Variants in TDRD12 observed in about 807,000 individuals in gnomAD.
TDRD12 encodes putative ATP-dependent RNA helicase TDRD12.
TDRD12 carries 158 observed loss-of-function variants against 133.5 expected under a neutral mutation model. The observed-to-expected ratio is 1.18, with a 90% CI of 1.04 to 1.35. TDRD12 has a LOEUF of 1.35. TDRD12 is among the 40% of genes most tolerant of loss of function. The pLI is 0.00. For missense variants in TDRD12, 1,443 were observed against 1,321.3 expected, an observed-to-expected ratio of 1.09 and a Z score of -1.43; for synonymous variants, 460 against 477.9, an observed-to-expected ratio of 0.96 and a Z score of 0.49.
chr19:32,756,456 C>T (rs1262222179), intron 7 of TDRD12, among the ~76,000 whole-genome samples: 6 of 151,306 alleles, frequency 4.0e-5, no homozygotes, highest in Non-Finnish European at 5.9e-5. Flanking sequence ...GGTGTGATCT[C>T]GGCTCACTGC....
chr19:32,816,748 C>G (rs1456411012), intron 26 of TDRD12, among the ~76,000 whole-genome samples: 4 of 152,208 alleles, frequency 2.6e-5, no homozygotes, highest in Admixed American at 2.6e-4. Context: ...CTGTGACAGT[C>G]ACTCCGAGGA....
At chr19:32,795,900 C>A (rs536792840) in intron 14 of TDRD12, among the ~76,000 whole-genome samples, 98 of 152,260 alleles carry the variant, frequency 6.4e-4, no homozygotes, top group African/African-American at 2.2e-3. Context: ...CTCAGAAGAA[C>A]AGCACCAAGA....
chr19:32,791,293 G>A (rs944273679), intron 13 of TDRD12, among the ~76,000 whole-genome samples: 1 of 152,104 alleles, frequency 6.6e-6, no homozygotes, highest in Non-Finnish European at 1.5e-5. Flanking sequence ...TGTTTTGTGA[G>A]GCAGCCGCTG....
intron 13 of TDRD12, among the ~76,000 whole-genome samples, chr19:32,792,060 A>G (rs1431761816): frequency 6.6e-6 from 1 of 152,160 alleles, no homozygotes. Context: ...AGCCTGGCCA[A>G]CATGGTGAAA....
At chr19:32,811,684 C>T (rs995279781) in intron 24 of TDRD12, among the ~76,000 whole-genome samples, 1 of 152,066 alleles carries the variant, frequency 6.6e-6, no homozygotes, top group African/African-American at 2.4e-5. Context: ...ATAAACTGCC[C>T]CTCAGCCTAA....
At chr19:32,732,475 T>C (rs979117813) in intron 2 of TDRD12, among the ~76,000 whole-genome samples, 2 of 152,190 alleles carry the variant, frequency 1.3e-5, no homozygotes, top group South Asian at 4.1e-4. Flanking sequence ...CACAGAGGTG[T>C]AGGGATCTCA....
intron 23 of TDRD12, among the ~76,000 whole-genome samples, 172 bp downstream of exon 23, chr19:32,810,449 G>C (rs1966964625): frequency 6.6e-6 from 1 of 152,194 alleles, no homozygotes; most frequent in Non-Finnish European, 1.5e-5. Flanking sequence ...CTCTTCCCCA[G>C]GCTCCTGAGC....
intron 8 of TDRD12, among the ~76,000 whole-genome samples, chr19:32,764,398 C>T (rs1712075642): frequency 6.6e-6 from 1 of 152,180 alleles, no homozygotes; most frequent in Admixed American, 6.5e-5. Context: ...GCGTGAGCCA[C>T]CATGCCTGGC....
chr19:32,750,483 G>T (rs1464171509), intron 6 of TDRD12, among the ~76,000 whole-genome samples: 2 of 152,198 alleles, frequency 1.3e-5, no homozygotes, highest in African/African-American at 4.8e-5. Flanking sequence ...CAGAAATAGT[G>T]CAGAAATTTT....
intron 2 of TDRD12, among the ~76,000 whole-genome samples, chr19:32,732,484 C>T (rs1969089422): frequency 6.6e-6 from 1 of 152,202 alleles, no homozygotes; most frequent in South Asian, 2.1e-4. Context: ...GTAGGGATCT[C>T]AGCAAAGAGG....
intron 8 of TDRD12, among the ~76,000 whole-genome samples, chr19:32,769,433 A>G (rs1970384284): frequency 6.6e-6 from 1 of 152,156 alleles, no homozygotes; most frequent in South Asian, 2.1e-4. Flanking sequence ...CTCTGTTGCC[A>G]GGTGCTGTGG....
At chr19:32,763,319 TGTA>T (rs1389264720) in intron 8 of TDRD12, among the ~76,000 whole-genome samples, 1 of 152,206 alleles carries the variant, frequency 6.6e-6, no homozygotes, top group African/African-American at 2.4e-5. Flanking sequence ...TCTAGAGCCC[TGTA>T]ATTAGAGTCA....
In TDRD12 at chr19:32,802,888, T is replaced by C. The variant is rs367850268; in HGVS notation, c.2332-34T>C. The C allele has an allele frequency of 7.5e-5, 114 of 1,529,094 alleles. 2 individuals are homozygous for C. The East Asian group carries it at 2.4e-3, about 32-fold the overall frequency. The allele number at this position is 1,529,094 out of a possible 1,614,324, so 94.7% of individuals were successfully genotyped here. On this transcript the variant is annotated intron_variant, in intron 20 of 27. Coordinates refer to ENST00000444215, the Ensembl canonical transcript of TDRD12. ...GTTTCCTCAGTCAGACTGGGATAGA[T>C]GATCCACTTCCTTTATTCACCCCCA... is the stretch of plus-strand genomic sequence containing the variant.
rs759278015 is a variant in TDRD12, at chr19:32,797,816, A to C, written c.1555A>C (p.Arg519=). Reference sequence around the variant, plus strand: ...ATTGGGAGAATATAGCATGTCCTCCAGGCCTCTTCATCCTGTGCTATTAAC... The same window carrying C: ...ATTGGGAGAATATAGCATGTCCTCCCGGCCTCTTCATCCTGTGCTATTAAC... The change falls in exon 15 of 28, where the codon AGG becomes CGG. Residue 519 remains arginine (R), a synonymous_variant. Coordinates refer to ENST00000444215, the Ensembl canonical transcript of TDRD12. 10 of 702,742 alleles carry C rather than the reference A, an allele frequency of 1.4e-5. No homozygotes were observed. The South Asian group carries it at 1.5e-4, about 10-fold the overall frequency. The allele number at this position is 702,742 out of a possible 1,614,324, so 43.5% of individuals were successfully genotyped here.
intron 25 of TDRD12, among the ~76,000 whole-genome samples, chr19:32,814,467 A>AGG (rs1232172603): frequency 6.6e-6 from 1 of 152,232 alleles, no homozygotes; most frequent in Non-Finnish European, 1.5e-5. Flanking sequence ...ACATGTTAAA[A>AGG]GGGAGTTTGG....
intron 11 of TDRD12, among the ~76,000 whole-genome samples, chr19:32,788,090 ATC>A (rs1970961351): frequency 6.7e-6 from 1 of 148,510 alleles, no homozygotes; most frequent in Admixed American, 6.7e-5. Context: ...TCTTTTTTTA[ATC>A]TCTTTGTCTT....
At chr19:32,740,488 T>C (rs1969389218) in intron 3 of TDRD12, among the ~76,000 whole-genome samples, 1 of 151,206 alleles carries the variant, frequency 6.6e-6, no homozygotes, top group Non-Finnish European at 1.5e-5. Flanking sequence ...GCTCTCTGCA[T>C]CTCCTGTGTT....
At chr19:32,724,496 T>TA (rs1165763635) in intron 1 of TDRD12, among the ~76,000 whole-genome samples, 2 of 152,196 alleles carry the variant, frequency 1.3e-5, no homozygotes, top group Non-Finnish European at 2.9e-5. Flanking sequence ...GTTCCAGTGT[T>TA]AGTTTGCTGA....
intron 6 of TDRD12, among the ~76,000 whole-genome samples, chr19:32,752,199 G>A (rs922873112): frequency 6.9e-6 from 1 of 145,950 alleles, no homozygotes; most frequent in Non-Finnish European, 1.5e-5. Flanking sequence ...TCTTTTTTTA[G>A]ACAGAGTTTC....
Sources: allele counts gnomAD v4.1 joint callset (sites outside exome capture counted in the v4.1 genomes callset), GRCh38; gene constraint gnomAD v4.1.1; transcripts MANE v1.5; gene names NCBI Gene and HGNC (gene_info 2026-07-23, HGNC 2026-07-21).